The following COL22A1 variants were observed in gnomAD, a reference collection of about 807,000 sequenced individuals.
COL22A1 encodes the protein collagen type XXII alpha 1 chain, also known as collagen alpha-1(XXII) chain.
A neutral mutation model predicts 248.9 loss-of-function variants in COL22A1; 221 were observed. The ratio of observed to expected loss-of-function variants is 0.89; its 90% CI spans 0.80 to 0.99. The LOEUF (loss-of-function observed/expected upper bound fraction) is 0.99, where lower values mean the gene tolerates loss of function less well. Among genes scored for constraint, COL22A1 ranks in the 50% least tolerant of loss-of-function variants. The pLI is 0.00. For synonymous variants in COL22A1, 891 were observed against 793.4 expected (o/e 1.12, Z -2.07); for missense variants, 2,240 against 2,179.0 (o/e 1.03, Z -0.56).
intron 30 of COL22A1, among the ~76,000 whole-genome samples, chr8:138,713,878 T>A (rs1276198670): frequency 1.3e-5 from 2 of 152,120 alleles, no homozygotes; most frequent in African/African-American, 4.8e-5. Flanking sequence ...CCAGACACTA[T>A]CCTGGGTGCT....
chr8:138,883,392 A>G (rs1824396437), intron 1 of COL22A1, 148 bp from the exon 2 acceptor site: 9 of 577,196 alleles, frequency 1.6e-5, no homozygotes, highest in South Asian at 1.3e-4. Flanking sequence ...CGAATGTGTG[A>G]CCTTCCAGAG....
chr8:138,887,635 G>T (rs1251724683), intron 1 of COL22A1, among the ~76,000 whole-genome samples: 1 of 152,146 alleles, frequency 6.6e-6, no homozygotes, highest in Non-Finnish European at 1.5e-5. Flanking sequence ...TGTTTTAATT[G>T]CAATTTCTAC....
At chr8:138,870,829 G>A (rs542541554) in intron 3 of COL22A1, among the ~76,000 whole-genome samples, 36 of 151,830 alleles carry the variant, frequency 2.4e-4, no homozygotes, top group African/African-American at 8.5e-4. Flanking sequence ...GCGGATGTGT[G>A]TGTGAGTGGG....
chr8:138,904,588 C>T (rs1228341450), intron 1 of COL22A1, among the ~76,000 whole-genome samples: 1 of 149,328 alleles, frequency 6.7e-6, no homozygotes, highest in Admixed American at 6.6e-5. Context: ...TTCTCATTTT[C>T]AGTATTGAAT....
Position 138,724,497 on chromosome 8 carries a change from G to A in COL22A1, c.2247+118C>T. 1.0e-6 allele frequency: 1 copy of A among 958,936 alleles called. No homozygotes were observed. Among genetic ancestry groups the A allele is most frequent in the Non-Finnish European group, 1.6e-6 (1 of 612,678 alleles). The allele number at this position is 958,936 out of a possible 1,614,324, so 59.4% of individuals were successfully genotyped here. ...AGCTCCGGGGCTGCAGGCCTTGCTG[G>A]CCAAGGAGTCCTCAGCTCTAGGAAA... On this transcript the variant is annotated intron_variant, in intron 25 of 64. Transcript: ENST00000303045.
chr8:138,804,285 G>A (rs934957153), intron 10 of COL22A1, among the ~76,000 whole-genome samples: 1 of 152,134 alleles, frequency 6.6e-6, no homozygotes, highest in African/African-American at 2.4e-5. Flanking sequence ...CCATGGTTTG[G>A]GACAATGTGA....
At chr8:138,758,287 G>A (rs542722539) in intron 18 of COL22A1, among the ~76,000 whole-genome samples, 1 of 152,282 alleles carries the variant, frequency 6.6e-6, no homozygotes, top group South Asian at 2.1e-4. Flanking sequence ...TGCCTCTCAG[G>A]AGAGATCGTG....
At chr8:138,715,633 A>C (rs758812648) in intron 30 of COL22A1, 49 bp downstream of exon 30, 5 of 1,395,398 alleles carry the variant, frequency 3.6e-6, no homozygotes, top group Non-Finnish European at 4.0e-6. Context: ...CTTTAGAAAA[A>C]CCCAACTAAT....
intron 3 of COL22A1, among the ~76,000 whole-genome samples, chr8:138,848,952 G>A (rs1054773798): frequency 3.9e-5 from 6 of 152,240 alleles, no homozygotes; most frequent in Middle Eastern, 3.4e-3. Flanking sequence ...ACCTCGCAGC[G>A]GCCGCTGCTG....
intron 10 of COL22A1, 116 bp from the exon 11 acceptor site, chr8:138,803,050 CT>C (rs1817138000): frequency 1.2e-6 from 1 of 817,744 alleles, no homozygotes; most frequent in East Asian, 2.4e-5. Context: ...CTGACTTCAT[CT>C]TTGCCATTTC....
intron 3 of COL22A1, among the ~76,000 whole-genome samples, chr8:138,848,501 G>A (rs116503695): frequency 0.015 from 2,297 of 152,250 alleles, 60 homozygotes; most frequent in African/African-American, 0.051. Flanking sequence ...TCCATTAGGG[G>A]AGGAAAAGGG....
chr8:138,664,323 T>C (rs187826997), intron 41 of COL22A1, among the ~76,000 whole-genome samples: 1 of 151,176 alleles, frequency 6.6e-6, no homozygotes, highest in East Asian at 2.0e-4. Context: ...AAGACAAAAT[T>C]TGGCTTCTAG....
intron 21 of COL22A1, among the ~76,000 whole-genome samples, chr8:138,754,184 A>G (rs1832815805): frequency 1.3e-5 from 2 of 152,258 alleles, no homozygotes; most frequent in African/African-American, 2.4e-5. Flanking sequence ...GATCTGAAAT[A>G]TACATGTATG....
intron 52 of COL22A1, among the ~76,000 whole-genome samples, chr8:138,621,801 C>T (rs1240211579): frequency 6.6e-6 from 1 of 152,214 alleles, no homozygotes; most frequent in Non-Finnish European, 1.5e-5. Flanking sequence ...TAGGCACACA[C>T]GCAGTTGCTG....
intron 16 of COL22A1, among the ~76,000 whole-genome samples, chr8:138,769,013 C>T (rs1249643086): frequency 2.6e-5 from 4 of 152,140 alleles, no homozygotes; most frequent in Non-Finnish European, 5.9e-5. Flanking sequence ...CATCTCCTGT[C>T]TCTCCAGCCC....
At chr8:138,757,916 T>A (rs1833154747) in intron 18 of COL22A1, among the ~76,000 whole-genome samples, 1 of 152,222 alleles carries the variant, frequency 6.6e-6, no homozygotes, top group African/African-American at 2.4e-5. Flanking sequence ...GCTTCCTGCA[T>A]GCAACCCTGT....
At chr8:138,684,755 T>C (rs1214526346) in intron 38 of COL22A1, among the ~76,000 whole-genome samples, 1 of 152,188 alleles carries the variant, frequency 6.6e-6, no homozygotes, top group Non-Finnish European at 1.5e-5. Flanking sequence ...CTTGCGCAAG[T>C]AAGGGGCAAG....
At chr8:138,739,415 A>G (rs898560254) in intron 22 of COL22A1, among the ~76,000 whole-genome samples, 5 of 152,094 alleles carry the variant, frequency 3.3e-5, no homozygotes, top group African/African-American at 1.2e-4. Flanking sequence ...ATGCTCCTTT[A>G]ACTGAATGTC....
chr8:138,878,215 C>G lies in COL22A1; in HGVS notation c.193G>C (p.Val65Leu), dbSNP rs748639363. Residue 65 changes from valine to leucine, a missense_variant, in exon 3 of 65, where the codon GTG (valine) becomes CTG (leucine). Physicochemically the swap from Val to Leu is conservative, Grantham distance 32. Coordinates refer to ENST00000303045, the MANE Select transcript of COL22A1 (RefSeq NM_152888.3). ...EKVRQWVANLVDTFEVGPDRT... is the reference protein window; with the variant it reads ...EKVRQWVANLLDTFEVGPDRT... ...TCGGGGCCCACCTCGAAGGTGTCCA[C>G]CAGGTTGGCCACCCACTGCCGGACC... 14 of 1,596,128 alleles carry G rather than the reference C, an allele frequency of 8.8e-6. No individual in the cohort carries two copies. In the Admixed American group the frequency reaches 1.4e-4, roughly 16 times the overall value.
Sources: allele counts gnomAD v4.1 joint callset (sites outside exome capture counted in the v4.1 genomes callset), GRCh38; gene constraint gnomAD v4.1.1; transcripts MANE v1.5; gene names NCBI Gene and HGNC (gene_info 2026-07-23, HGNC 2026-07-21).